SIM2: variants seen among roughly 807,000 people sequenced by gnomAD.
SIM2 encodes the protein single-minded homolog 2.
SIM2 carries 28 observed loss-of-function variants against 64.8 expected under a neutral mutation model. The observed-to-expected ratio is 0.43, with a 90% CI of 0.32 to 0.59. The LOEUF is 0.59. SIM2 is among the 20% of genes least tolerant of loss of function. The pLI is 0.07. For missense variants in SIM2, 847 were observed against 871.4 expected, an observed-to-expected ratio of 0.97 and a Z score of 0.35; for synonymous variants, 408 against 391.1, an observed-to-expected ratio of 1.04 and a Z score of -0.51.
At position 36,699,691 on chromosome 21, in the gene SIM2, GGGGCTCCGCGGGCC is replaced by G. The variant is rs1382636200; in HGVS notation, c.-55_-42del. ...CCATCCCCGCCGCCGCAGCCCGAGC[GGGGCTCCGCGGGCC>G]TGGAGCACGGCCGGGTCTAATATGC... On this transcript the variant is annotated 5_prime_UTR_variant, in exon 1 of 11. Transcript: ENST00000290399. This position sits in a 1 kb window ranked among gnomAD's most constrained non-coding sequence, Gnocchi z 5.6. 2 of 1,568,420 alleles carry G rather than the reference GGGGCTCCGCGGGCC, an allele frequency of 1.3e-6. No individual in the cohort carries two copies. The highest frequency in any genetic ancestry group is 1.7e-6 in the Non-Finnish European group (2 of 1,157,836).
intron 6 of SIM2, among the ~76,000 whole-genome samples, chr21:36,730,487 G>A (rs966317970): frequency 1.3e-5 from 2 of 152,208 alleles, no homozygotes; most frequent in African/African-American, 4.8e-5. Context: ...GGACAGTGGG[G>A]AGCTGGTGTT....
At chr21:36,729,842 C>T (rs1023775946) in intron 6 of SIM2, among the ~76,000 whole-genome samples, 3 of 152,192 alleles carry the variant, frequency 2.0e-5, no homozygotes, top group Non-Finnish European at 2.9e-5. Context: ...ACGGCCAGAG[C>T]GATCCTGATG....
intron 7 of SIM2, among the ~76,000 whole-genome samples, chr21:36,732,274 G>T (rs904339868): frequency 2.6e-5 from 4 of 152,248 alleles, no homozygotes; most frequent in African/African-American, 9.6e-5. Context: ...CACGCCCATG[G>T]CCAGTCGGGG....
At chr21:36,707,486 A>G (rs1485074645) in intron 1 of SIM2, among the ~76,000 whole-genome samples, 1 of 152,118 alleles carries the variant, frequency 6.6e-6, no homozygotes, top group Non-Finnish European at 1.5e-5. Context: ...GGGATCGTGT[A>G]TGTGGAAATT....
chr21:36,708,123 C>T (rs1402604209), intron 1 of SIM2, among the ~76,000 whole-genome samples: 1 of 152,206 alleles, frequency 6.6e-6, no homozygotes, highest in African/African-American at 2.4e-5. Context: ...CACCGACCCT[C>T]GCCATCTGGC....
intron 7 of SIM2, among the ~76,000 whole-genome samples, chr21:36,736,889 CTTTTT>C (rs1298469467): frequency 8.1e-6 from 1 of 123,060 alleles, no homozygotes; most frequent in Non-Finnish European, 1.7e-5. Context: ...CCTTCCTTTT[CTTTTT>C]CTTTCTTTTT....
chr21:36,734,717 G>T (rs949491936), intron 7 of SIM2, among the ~76,000 whole-genome samples: 1 of 152,184 alleles, frequency 6.6e-6, no homozygotes, highest in East Asian at 1.9e-4. Flanking sequence ...AATGTCACAC[G>T]CCTCTCCAAA....
chr21:36,741,888 C>G (rs1250755710), intron 8 of SIM2, 24 bp downstream of exon 8: 1 of 1,532,756 alleles, frequency 6.5e-7, no homozygotes, highest in East Asian at 2.4e-5. Context: ...ATTTGTTTCT[C>G]TCCTTGCTCT....
At chr21:36,729,392 C>G (rs184369078) in intron 6 of SIM2, among the ~76,000 whole-genome samples, 1 of 152,156 alleles carries the variant, frequency 6.6e-6, no homozygotes, top group South Asian at 2.1e-4. Flanking sequence ...CCCTCTCCCC[C>G]ACCACTGCAA....
chr21:36,723,253 T>TCCAGCAA, intron 5 of SIM2, 123 bp downstream of exon 5: 1 of 748,316 alleles, frequency 1.3e-6, no homozygotes, highest in African/African-American at 1.7e-5. Context: ...TGTAGAGCTC[T>TCCAGCAA]CCAGCAACGT....
intron 2 of SIM2, chr21:36,709,473 G>A (rs1206930421): frequency 2.9e-6 from 2 of 678,866 alleles, no homozygotes; most frequent in Admixed American, 2.0e-5. Context: ...CCCACACCCC[G>A]CCGAAGGCCC....
In SIM2 at chr21:36,703,631, G is replaced by A. The variant is rs142056646; in HGVS notation, c.175+3710G>A. 2.3e-3 allele frequency among the ~76,000 whole-genome samples: 346 copies of A among 152,324 alleles called. 3 individuals are homozygous for A. The highest frequency in any genetic ancestry group is 7.9e-3 in the African/African-American group (330 of 41,568). The stretch of plus-strand genomic sequence containing the variant: ...TGGAGGTAGATAGTGCTGGGAAGAG[G>A]ACAGGAGACCACGGCTGACTTTGGA... On this transcript the variant is annotated intron_variant, in intron 1 of 10. Coordinates refer to ENST00000290399, the MANE Select transcript of SIM2 (RefSeq NM_005069.6).
In SIM2 at chr21:36,705,304, A is replaced by T. The variant is rs2088564691; in HGVS notation, c.176-3864A>T. On this transcript the variant is annotated intron_variant, in intron 1 of 10. Coordinates refer to ENST00000290399, the MANE Select transcript of SIM2 (RefSeq NM_005069.6). ...CACCCTCCTCTCCCGCCACGCACAT[A>T]TCCTTCTTGACTTCGAAGTGGTTTG... Among the ~76,000 whole-genome samples, 3 of 152,312 alleles carry T rather than the reference A, an allele frequency of 2.0e-5. 1 individual carries two copies. The South Asian group carries it at 6.2e-4, about 32-fold the overall frequency.
intron 6 of SIM2, among the ~76,000 whole-genome samples, chr21:36,728,013 C>A (rs888785941): frequency 6.6e-6 from 1 of 152,112 alleles, no homozygotes; most frequent in Non-Finnish European, 1.5e-5. Context: ...AAACAGCGCT[C>A]TTTGGGGAAA....
In SIM2 at chr21:36,737,961, C is replaced by CAAAAAAAAAAAAA. The variant is rs61252184; in HGVS notation, c.851-3747_851-3735dup. 4.4e-4 allele frequency among the ~76,000 whole-genome samples: 15 copies of CAAAAAAAAAAAAA among 34,128 alleles called. 1 individual carries two copies. The highest frequency in any genetic ancestry group is 1.1e-3 in the African/African-American group (10 of 9,342). 22.4% of individuals were successfully genotyped at this position (34,128 alleles called of 152,430 possible). A position where few individuals can be genotyped will look rare whatever the true frequency, so the allele number is the denominator to read the frequency against. ...TGGGCAAAAGAGCAAGACCCTGTCT[C>CAAAAAAAAAAAAA]AAAAAAAAAAAAAAAAAAAAAGCAA... On this transcript the variant is annotated intron_variant, in intron 7 of 10. Transcript: ENST00000290399.
Position 36,699,892 on chromosome 21 carries a change from A to C in SIM2, c.146A>C (p.Tyr49Ser). 6.2e-7 allele frequency: 1 copy of C among 1,606,960 alleles called. No individual in the cohort carries two copies. Among genetic ancestry groups the C allele is most frequent in the Non-Finnish European group, 8.5e-7 (1 of 1,176,970 alleles). ...KASIIRLTTS[Y>S]LKMRAVFPEG... is the part of the protein sequence containing the mutation. ...TCCATCATCCGCCTCACCACGAGCT[A>C]CCTGAAGATGCGCGCCGTCTTCCCC... The change falls in exon 1 of 11, where the codon TAC (tyrosine) becomes TCC (serine). Residue 49 changes from tyrosine to serine, a missense_variant. Physicochemically the swap from Tyr to Ser is moderately radical, Grantham distance 144 (BLOSUM62 -2). This residue lies in a region of SIM2 where 397 missense variants were observed against 439.2 expected (regional missense o/e 0.90). Transcript: ENST00000290399. This position sits in a 1 kb window ranked among gnomAD's most constrained non-coding sequence, Gnocchi z 5.6.
chr21:36,709,583 C>T (rs2088646322), intron 2 of SIM2: 2 of 458,434 alleles, frequency 4.4e-6, no homozygotes, highest in East Asian at 5.0e-5. Context: ...CCACCCAGCG[C>T]TTGCTCTGTG....
In SIM2 at chr21:36,699,732, CG is replaced by C. The variant is rs1349391133; in HGVS notation, c.-13del. ...GGAGCACGGCCGGGTCTAATATGCC[CG>C]GAGCCGAGGCGCGATGAAGGAGAAG... On this transcript the variant is annotated 5_prime_UTR_variant, in exon 1 of 11. Transcript: ENST00000290399. The surrounding 1 kb of genome is among the most constrained non-coding windows in gnomAD (Gnocchi z 5.6). The C allele has an allele frequency of 6.2e-7, 1 of 1,611,176 alleles. No homozygotes were observed. Among genetic ancestry groups the C allele is most frequent in the African/African-American group, 1.3e-5 (1 of 74,656 alleles).
At position 36,748,341 on chromosome 21, in the gene SIM2, G is replaced by A. The variant is rs73902719; in HGVS notation, c.*249G>A. 0.015 allele frequency: 3,026 copies of A among 195,466 alleles called. 100 individuals are homozygous for A. Among genetic ancestry groups the A allele is most frequent in the African/African-American group, 0.066 (2,823 of 42,832 alleles). 12.1% of individuals were successfully genotyped at this position (195,466 alleles called of 1,614,324 possible). A position where few individuals can be genotyped will look rare whatever the true frequency, so the allele number is the denominator to read the frequency against. ...GAGGGCCGGTGCGACCCAGTTGCTG[G>A]GGGCTTGGTTTCCTCACCTTGAAAT... On this transcript the variant is annotated 3_prime_UTR_variant, in exon 11 of 11. Transcript: ENST00000290399.
Sources: gnomAD v4.1 joint callset for allele counts (sites outside exome capture counted in the v4.1 genomes callset) on GRCh38, gnomAD v4.1.1 for gene constraint, gnomAD v4.1.1 regional missense constraint, Gnocchi (gnomAD v3.1) non-coding constraint, MANE v1.5 for transcripts, NCBI Gene and HGNC (gene_info 2026-07-23, HGNC 2026-07-21) for gene names.